CFAP70: variants seen among roughly 807,000 people sequenced by gnomAD.
The protein encoded by CFAP70 is cilia and flagella associated protein 70.
Under a neutral mutation model 137.6 loss-of-function variants are expected in CFAP70, and 81 were observed. That is an observed-to-expected ratio of 0.59 (90% CI 0.49 to 0.71). CFAP70 has a LOEUF of 0.71. Ranked by LOEUF, CFAP70 falls within the 30% of genes least tolerant of loss-of-function variation. CFAP70 has a pLI of 0.00. For missense variants in CFAP70, 976 were observed against 1,226.7 expected (o/e 0.80, Z 3.05); for synonymous variants, 382 against 423.6 (o/e 0.90, Z 1.20).
chr10:73,341,448 A>G (rs759628980), exon 6 of CFAP70: 3 of 1,614,200 alleles, frequency 1.9e-6, no homozygotes, highest in South Asian at 2.2e-5. Context: ...ACCACCAACA[A>G]TGAATGCATC....
intron 15 of CFAP70, chr10:73,293,626 G>A (rs1353428924): frequency 2.8e-6 from 1 of 351,600 alleles, no homozygotes; most frequent in African/African-American, 2.1e-5. Context: ...ATGGAAGTAA[G>A]TAAAAATTGC....
At chr10:73,291,128 T>A (rs529472646) in intron 19 of CFAP70, 98 bp downstream of exon 20, 1 of 1,052,500 alleles carries the variant, frequency 9.5e-7, no homozygotes, top group Admixed American at 1.9e-5. Context: ...GATCCTCCCA[T>A]CTCAGCCTCC....
intron 6 of CFAP70, among the ~76,000 whole-genome samples, chr10:73,337,364 A>G (rs2132367026): frequency 6.6e-6 from 1 of 152,236 alleles, no homozygotes; most frequent in South Asian, 2.1e-4. Context: ...TGTGCCTGTA[A>G]TCTCAGCTAT....
At chr10:73,285,650 TTTGAGACGGA>T (rs1285645248) in intron 19 of CFAP70, among the ~76,000 whole-genome samples, 1 of 151,286 alleles carries the variant, frequency 6.6e-6, no homozygotes, top group African/African-American at 2.4e-5. Flanking sequence ...TTTTTTTTTT[TTTGAGACGGA>T]GTCTCACTCT....
intron 9 of CFAP70, 21 bp from the exon 11 acceptor site, chr10:73,312,664 C>CA (rs750888006): frequency 2.6e-5 from 39 of 1,515,324 alleles, no homozygotes; most frequent in African/African-American, 1.4e-4. Context: ...AAAAAACAAA[C>CA]AAAAAAAAGC....
upstream of CFAP70, among the ~76,000 whole-genome samples, chr10:73,359,831 G>A (rs1043144220): frequency 6.6e-5 from 10 of 152,066 alleles, no homozygotes; most frequent in African/African-American, 2.2e-4. Context: ...ATGATCAGGT[G>A]ATCATGGTTA....
intron 9 of CFAP70, among the ~76,000 whole-genome samples, chr10:73,319,406 C>G (rs772724481): frequency 2.6e-5 from 4 of 152,214 alleles, no homozygotes; most frequent in Non-Finnish European, 5.9e-5. Flanking sequence ...AACAAAGCCT[C>G]TCTTCCTTAA....
At chr10:73,316,820 A>G (rs544171740) in intron 9 of CFAP70, among the ~76,000 whole-genome samples, 1 of 152,230 alleles carries the variant, frequency 6.6e-6, no homozygotes, top group Admixed American at 6.5e-5. Context: ...GAAGAGTAAA[A>G]ATGAAAAAGA....
intron 8 of CFAP70, among the ~76,000 whole-genome samples, chr10:73,330,365 G>A (rs759413528): frequency 4.0e-5 from 6 of 149,506 alleles, no homozygotes; most frequent in South Asian, 2.1e-4. Flanking sequence ...CAGGAGAATC[G>A]TTTGAACCCA....
chr10:73,276,219 A>C (rs1311469610), intron 21 of CFAP70: 2 of 151,864 alleles, frequency 1.3e-5, no homozygotes, highest in African/African-American at 4.8e-5. Flanking sequence ...AAAGTGCTGG[A>C]ATTATAGGGG....
At chr10:73,346,179 G>A (rs1010455105) in intron 4 of CFAP70, among the ~76,000 whole-genome samples, 3 of 151,986 alleles carry the variant, frequency 2.0e-5, no homozygotes, top group Non-Finnish European at 4.4e-5. Context: ...TTACAGGCGT[G>A]AGCCACTGCA....
exon 11 of CFAP70, chr10:73,311,847 T>C: frequency 1.2e-6 from 2 of 1,613,396 alleles, no homozygotes; most frequent in Non-Finnish European, 1.7e-6. Flanking sequence ...TCCTTCAGGA[T>C]TGTGACTTAG....
chr10:73,299,437 T>C (rs1456603270), intron 13 of CFAP70, among the ~76,000 whole-genome samples, 168 bp downstream of exon 14: 1 of 152,198 alleles, frequency 6.6e-6, no homozygotes, highest in Admixed American at 6.5e-5. Context: ...GATTAAACAC[T>C]GTATGCTATA....
At chr10:73,291,528 A>G in intron 18 of CFAP70, 84 bp from the exon 20 acceptor site, 2 of 1,514,222 alleles carry the variant, frequency 1.3e-6, no homozygotes, top group South Asian at 1.2e-5. Context: ...TATTTTTCCC[A>G]TATTTTACCA....
intron 25 of CFAP70, among the ~76,000 whole-genome samples, chr10:73,264,404 A>G (rs952998196): frequency 6.6e-6 from 1 of 152,220 alleles, no homozygotes; most frequent in South Asian, 2.1e-4. Context: ...ATATATTTCT[A>G]TATACCTATT....
chr10:73,324,262 T>C (rs1189855285), intron 8 of CFAP70, among the ~76,000 whole-genome samples: 1 of 152,218 alleles, frequency 6.6e-6, no homozygotes, highest in African/African-American at 2.4e-5. Context: ...TCAACAGATC[T>C]GCAGCTGAGG....
At chr10:73,291,487 A>C (rs764925294) in intron 18 of CFAP70, 43 bp from the exon 20 acceptor site, 1 of 1,563,032 alleles carries the variant, frequency 6.4e-7, no homozygotes, top group Non-Finnish European at 8.8e-7. Context: ...CTATTTTCCC[A>C]CTATCATATA....
chr10:73,274,627 T>C (rs769154349), intron 22 of CFAP70, 33 bp from the exon 24 acceptor site: 7 of 1,562,706 alleles, frequency 4.5e-6, no homozygotes, highest in Non-Finnish European at 5.2e-6. Context: ...GTATATGGGA[T>C]AAGGTAGTAT....
At chr10:73,270,763 T>C (rs1300150246) in intron 24 of CFAP70, among the ~76,000 whole-genome samples, 4 of 151,398 alleles carry the variant, frequency 2.6e-5, no homozygotes, top group African/African-American at 4.9e-5. Context: ...CTCAAACTCC[T>C]GGCCTCAAGT....
Sources: allele counts gnomAD v4.1 joint callset (sites outside exome capture counted in the v4.1 genomes callset), GRCh38; gene constraint gnomAD v4.1.1; transcripts MANE v1.5; gene names NCBI Gene and HGNC (gene_info 2026-07-23, HGNC 2026-07-21).